MAJIN: variants seen among roughly 807,000 people sequenced by gnomAD.
MAJIN encodes membrane-anchored junction protein.
MAJIN carries 27 observed loss-of-function variants against 30.2 expected under a neutral mutation model. That is an observed-to-expected ratio of 0.89 (90% CI 0.66 to 1.23). MAJIN has a LOEUF of 1.23. MAJIN is among the 50% of genes most tolerant of loss of function. The probability of loss-of-function intolerance (pLI) is 0.00; values close to 1 mark genes in which losing one functional copy is unlikely to be tolerated. For synonymous variants in MAJIN, 78 were observed against 91.6 expected (o/e 0.85, Z 0.85); for missense variants, 253 against 260.3 (o/e 0.97, Z 0.19).
At chr11:64,971,435 A>G (rs1945902915) in intron 1 of MAJIN, among the ~76,000 whole-genome samples, 1 of 150,812 alleles carries the variant, frequency 6.6e-6, no homozygotes, top group Non-Finnish European at 1.5e-5. Context: ...CTCAAAAAAA[A>G]AAAAAAAAAA....
intron 4 of MAJIN, 127 bp downstream of exon 4, chr11:64,954,630 T>C (rs1427809195): frequency 1.2e-6 from 1 of 852,680 alleles, no homozygotes; most frequent in Non-Finnish European, 2.0e-6. Flanking sequence ...GCAAAGGAGA[T>C]GTAGCAGGAG....
intron 8 of MAJIN, among the ~76,000 whole-genome samples, chr11:64,943,977 C>A (rs1945413633): frequency 6.6e-6 from 1 of 152,234 alleles, no homozygotes. Flanking sequence ...CACAGCACAA[C>A]TGGGGCCCTG....
chr11:64,961,467 ATTTTTTTTT>A (rs36053356), intron 1 of MAJIN, among the ~76,000 whole-genome samples: 7 of 59,184 alleles, frequency 1.2e-4, no homozygotes, highest in East Asian at 5.2e-4. Flanking sequence ...GTGCCCGGCA[ATTTTTTTTT>A]TTTTTTTTTT....
intron 10 of MAJIN, among the ~76,000 whole-genome samples, chr11:64,939,026 T>A (rs1945331325): frequency 6.6e-6 from 1 of 152,184 alleles, no homozygotes; most frequent in Non-Finnish European, 1.5e-5. Context: ...GCCTCCCAGG[T>A]TAAAGTGATT....
At chr11:64,965,354 G>A (rs1945789757) in intron 1 of MAJIN, among the ~76,000 whole-genome samples, 1 of 152,154 alleles carries the variant, frequency 6.6e-6, no homozygotes, top group African/African-American at 2.4e-5. Context: ...GAATTAGGAA[G>A]CTGTTCTGAA....
At chr11:64,965,747 G>A (rs993655827) in intron 1 of MAJIN, among the ~76,000 whole-genome samples, 3 of 151,970 alleles carry the variant, frequency 2.0e-5, no homozygotes, top group Non-Finnish European at 4.4e-5. Context: ...ACGAGGTCAG[G>A]AGATCGATAC....
At chr11:64,964,094 C>T (rs983252047) in intron 1 of MAJIN, among the ~76,000 whole-genome samples, 3 of 152,146 alleles carry the variant, frequency 2.0e-5, no homozygotes, top group African/African-American at 7.2e-5. Context: ...CAGGCATGCA[C>T]CATCACACCT....
At chr11:64,942,442 T>TC (rs777209911) in intron 8 of MAJIN, among the ~76,000 whole-genome samples, 1 of 151,984 alleles carries the variant, frequency 6.6e-6, no homozygotes, top group Non-Finnish European at 1.5e-5. Flanking sequence ...TCCCACCCTT[T>TC]CCCCCAAGTC....
chr11:64,940,773 G>T, intron 8 of MAJIN, 127 bp from the exon 9 acceptor site: 1 of 683,956 alleles, frequency 1.5e-6, no homozygotes. Context: ...GCCTAGACAG[G>T]TTCTATATTT....
chr11:64,960,726 C>T (rs1025646508), intron 1 of MAJIN, among the ~76,000 whole-genome samples: 7 of 152,164 alleles, frequency 4.6e-5, no homozygotes, highest in Admixed American at 6.5e-5. Context: ...TTCTACTCAG[C>T]AGGGAAAAAT....
At chr11:64,957,947 A>AT (rs535346135) in intron 3 of MAJIN, among the ~76,000 whole-genome samples, 8,764 of 144,060 alleles carry the variant, frequency 0.061, 285 homozygotes, top group Middle Eastern at 0.076. Context: ...TTTTGCTGTG[A>AT]TTTTTTTTTT....
chr11:64,962,054 TG>T (rs1017948482), intron 1 of MAJIN, among the ~76,000 whole-genome samples: 4 of 152,144 alleles, frequency 2.6e-5, no homozygotes, highest in African/African-American at 9.7e-5. Flanking sequence ...CCCAAAGTGC[TG>T]CATTACAGGC....
intron 1 of MAJIN, among the ~76,000 whole-genome samples, chr11:64,961,280 G>C (rs1473327903): frequency 6.6e-5 from 10 of 150,538 alleles, no homozygotes; most frequent in South Asian, 4.2e-4. Flanking sequence ...TGATCCTCCT[G>C]CCTCAGCCTC....
At chr11:64,948,014 C>G (rs1023449608) in intron 6 of MAJIN, among the ~76,000 whole-genome samples, 195 bp from the exon 7 acceptor site, 2 of 151,918 alleles carry the variant, frequency 1.3e-5, no homozygotes, top group Non-Finnish European at 2.9e-5. Context: ...CACATGCCAC[C>G]ACACCTGGCT....
intron 1 of MAJIN, among the ~76,000 whole-genome samples, chr11:64,966,123 T>C (rs1945803410): frequency 1.3e-5 from 1 of 79,234 alleles, no homozygotes; most frequent in South Asian, 3.3e-4. Context: ...AAGCAGTACA[T>C]GTAAGGAAGA....
Position 64,946,160 on chromosome 11 carries a change from TG to T in MAJIN, c.473+1213del, listed in dbSNP as rs1337481624. 6.5e-6 allele frequency: 10 copies of T among 1,533,476 alleles called. No individual in the cohort carries two copies. The Admixed American group carries it at 9.9e-5, about 15-fold the overall frequency. The allele number at this position is 1,533,476 out of a possible 1,614,324, so 95.0% of individuals were successfully genotyped here. On this transcript the variant is annotated intron_variant, in intron 8 of 10. Transcript: ENST00000301896. ...GGAAGTCCCTATCTTGGCCCTGAGG[TG>T]GGGGGAAAATATGCAGGAAATGTTA...
chr11:64,946,747 AG>A (rs1043336376), intron 8 of MAJIN, among the ~76,000 whole-genome samples: 1 of 152,160 alleles, frequency 6.6e-6, no homozygotes, highest in African/African-American at 2.4e-5. Context: ...TTAGCTTTCT[AG>A]GGTGCTAATA....
chr11:64,940,742 A>C (rs1945361841), intron 8 of MAJIN, 96 bp from the exon 9 acceptor site: 1 of 1,102,096 alleles, frequency 9.1e-7, no homozygotes, highest in African/African-American at 1.6e-5. Flanking sequence ...TCATATCAGC[A>C]CTGGGGCCTG....
chr11:64,963,324 A>G (rs1229938733), intron 1 of MAJIN, among the ~76,000 whole-genome samples: 2 of 152,196 alleles, frequency 1.3e-5, no homozygotes, highest in African/African-American at 2.4e-5. Flanking sequence ...TTGAAGGAAA[A>G]TTATTTTTCA....
Sources: allele counts gnomAD v4.1 joint callset (sites outside exome capture counted in the v4.1 genomes callset), GRCh38; gene constraint gnomAD v4.1.1; transcripts MANE v1.5; gene names NCBI Gene and HGNC (gene_info 2026-07-23, HGNC 2026-07-21).